Variants in MAP3K20 observed in about 807,000 individuals in gnomAD.
The protein encoded by MAP3K20 is HCCS-4.
MAP3K20 carries 40 observed loss-of-function variants against 85.7 expected under a neutral mutation model. That is an observed-to-expected ratio of 0.47 (90% confidence interval 0.36 to 0.61). The LOEUF (loss-of-function observed/expected upper bound fraction) is 0.61. MAP3K20 is among the 20% of genes least tolerant of loss of function. The pLI is 0.00. For missense variants in MAP3K20, 817 were observed against 961.7 expected (o/e 0.85, Z 1.99); for synonymous variants, 325 against 327.7 (o/e 0.99, Z 0.09).
chr2:173,233,823 C>T (rs779227328), intron 14 of MAP3K20, among the ~76,000 whole-genome samples: 26 of 152,314 alleles, frequency 1.7e-4, no homozygotes, highest in Admixed American at 3.9e-4. Context: ...AACATCCTTA[C>T]GGACTCTCAG....
At position 173,223,544 on chromosome 2, in the gene MAP3K20, G is replaced by A. The variant is rs555602188; in HGVS notation, c.988-6145G>A. 1.8e-3 allele frequency: 1,725 copies of A among 985,282 alleles called. 2 individuals carry two copies. Among genetic ancestry groups the A allele is most frequent in the Middle Eastern group, 2.1e-3 (4 of 1,936 alleles). 61.0% of individuals were successfully genotyped at this position (985,282 alleles called of 1,614,324 possible). On this transcript the variant is annotated intron_variant, in intron 11 of 19. Transcript: ENST00000375213. ...AAATAATATTTTCTCTGTAGTATGA[G>A]ATGAAATTAAAAGTGGATAGCTTTC... is the stretch of plus-strand genomic sequence containing the variant.
chr2:173,157,254 A>C (rs1689504387), intron 2 of MAP3K20, among the ~76,000 whole-genome samples: 1 of 152,130 alleles, frequency 6.6e-6, no homozygotes, highest in Non-Finnish European at 1.5e-5. Flanking sequence ...AAAGACTTCA[A>C]ATCCCTTCCA....
At chr2:173,081,930 C>T (rs935042245) in intron 1 of MAP3K20, among the ~76,000 whole-genome samples, 1 of 152,140 alleles carries the variant, frequency 6.6e-6, no homozygotes, top group African/African-American at 2.4e-5. Context: ...CTCTACACCG[C>T]ATATCCCATT....
chr2:173,261,217 A>G, intron 18 of MAP3K20, 80 bp downstream of exon 18: 1 of 1,446,558 alleles, frequency 6.9e-7, no homozygotes, highest in Non-Finnish European at 9.6e-7. Context: ...AGAGCATATA[A>G]TTTATTGGGA....
chr2:173,262,594 G>T (rs1685322762), intron 18 of MAP3K20, among the ~76,000 whole-genome samples: 1 of 148,036 alleles, frequency 6.8e-6, no homozygotes, highest in East Asian at 1.9e-4. Context: ...GAGCAAAACT[G>T]TCTCAAAAAA....
Position 173,258,701 on chromosome 2 carries a change from T to A in MAP3K20, c.1362T>A (p.Asp454Glu). 6.3e-7 allele frequency: 1 copy of A among 1,588,504 alleles called. No individual in the cohort carries two copies. Among genetic ancestry groups the A allele is most frequent in the Non-Finnish European group, 8.6e-7 (1 of 1,162,190 alleles). The change falls in exon 17 of 20, where the codon GAT (aspartate) becomes GAA (glutamate). Residue 454 changes from aspartate to glutamate, a missense_variant and splice_region_variant. This residue lies in a region of MAP3K20 where 454 missense variants were observed against 476.9 expected (regional missense o/e 0.95). Transcript: ENST00000375213. The part of the protein sequence containing the change: ...FHLKPGTGPQ[D>E]CKWKMYMEMD... ...TGTAATTTTGTTTTTAATTCCAGGATTGTAAGTGGAAAATGTATATGGAGA... is the reference window on the plus strand; with the variant it reads ...TGTAATTTTGTTTTTAATTCCAGGAATGTAAGTGGAAAATGTATATGGAGA...
chr2:173,145,775 T>C (rs1689119393), intron 2 of MAP3K20, among the ~76,000 whole-genome samples: 1 of 152,082 alleles, frequency 6.6e-6, no homozygotes, highest in Non-Finnish European at 1.5e-5. Flanking sequence ...CCCAATAGAA[T>C]GAAAACATAT....
chr2:173,258,815 G>C lies in MAP3K20; in HGVS notation c.1476G>C (p.Lys492Asn). 1 of 1,576,456 alleles carries C rather than the reference G, an allele frequency of 6.3e-7. No homozygotes were observed. Among genetic ancestry groups the C allele is most frequent in the Non-Finnish European group, 8.7e-7 (1 of 1,147,886 alleles). ...LPDAEILKMTKPPFVMEKWIV... is the reference protein window; with the variant it reads ...LPDAEILKMTNPPFVMEKWIV... ...ATGCGGAGATTTTAAAGATGACAAA[G>C]GTAGGGTTCTATTTACGGCTTAAAA... Residue 492 changes from lysine (K) to asparagine (N), a missense_variant and splice_region_variant, in exon 17 of 20, where the codon AAG (lysine) becomes AAC (asparagine). Around this residue, in one of 4 missense-constraint regions of MAP3K20, gnomAD observed 454 missense variants for 476.9 expected, o/e 0.95. Coordinates refer to ENST00000375213, the MANE Select transcript of MAP3K20 (RefSeq NM_016653.3).
In MAP3K20 at chr2:173,110,608, G is replaced by T. The variant is rs908695271; in HGVS notation, c.159+19418G>T. Among the ~76,000 whole-genome samples the T allele has an allele frequency of 7.3e-5, 11 of 151,592 alleles. 1 individual carries two copies. The highest frequency in any genetic ancestry group is 2.7e-4 in the African/African-American group (11 of 41,202). On this transcript the variant is annotated intron_variant, in intron 2 of 19. Coordinates refer to ENST00000375213, the MANE Select transcript of MAP3K20 (RefSeq NM_016653.3). ...TTCCCCCAAATCCCCAAAGCCCATT[G>T]CATCATTCTTATGCATTTGCGTCCT...
intron 16 of MAP3K20, among the ~76,000 whole-genome samples, chr2:173,241,188 C>T (rs990060525): frequency 2.6e-5 from 4 of 152,116 alleles, no homozygotes; most frequent in African/African-American, 7.2e-5. Flanking sequence ...AGGGTGACTA[C>T]AGTCAACAAT....
rs376247159 is a variant in MAP3K20, at chr2:173,266,668, G to A, written c.2321G>A (p.Arg774Gln). Residue 774 changes from arginine to glutamine, a missense_variant, in exon 20 of 20, where the codon CGG (arginine) becomes CAG (glutamine). Coordinates refer to ENST00000375213, the MANE Select transcript of MAP3K20 (RefSeq NM_016653.3). ...SEGGWTKVEYRKKPHRPSPAK... is the reference protein window; with the variant it reads ...SEGGWTKVEYQKKPHRPSPAK... ...GGGGGCTGGACAAAAGTGGAATACC[G>A]GAAAAAGCCCCACAGGCCATCTCCC... The A allele has an allele frequency of 1.6e-5, 26 of 1,610,154 alleles. No homozygotes were observed. The highest frequency in any genetic ancestry group is 8.4e-5 in the Admixed American group (5 of 59,330).
At chr2:173,126,808 C>G (rs937710567) in intron 2 of MAP3K20, among the ~76,000 whole-genome samples, 1 of 152,174 alleles carries the variant, frequency 6.6e-6, no homozygotes, top group Non-Finnish European at 1.5e-5. Flanking sequence ...AAGCTTGCTT[C>G]GAAAAGCAAG....
intron 2 of MAP3K20, among the ~76,000 whole-genome samples, chr2:173,143,760 T>G (rs1036403737): frequency 2.6e-5 from 4 of 152,120 alleles, no homozygotes; most frequent in Admixed American, 2.6e-4. Flanking sequence ...AAATGATTGT[T>G]TACATAAAAA....
chr2:173,076,889 A>G (rs1394107480), intron 1 of MAP3K20, among the ~76,000 whole-genome samples: 2 of 152,364 alleles, frequency 1.3e-5, no homozygotes, highest in South Asian at 2.1e-4. Context: ...GAAAACTTTA[A>G]TTCAGGACTG....
chr2:173,183,465 C>CTTAGGG (rs1424755567), intron 4 of MAP3K20, among the ~76,000 whole-genome samples: 1 of 152,154 alleles, frequency 6.6e-6, no homozygotes. Context: ...TGTAAACTTA[C>CTTAGGG]TTAGGCATCG....
chr2:173,230,241 C>G (rs28556935), intron 12 of MAP3K20, among the ~76,000 whole-genome samples: 80,196 of 152,010 alleles, frequency 0.53, 22,388 homozygotes, highest in African/African-American at 0.68. Flanking sequence ...TACTCTGAAA[C>G]TATTCCAGAA....
intron 16 of MAP3K20, among the ~76,000 whole-genome samples, chr2:173,248,577 C>T (rs1684974495): frequency 1.3e-5 from 2 of 152,186 alleles, no homozygotes; most frequent in African/African-American, 4.8e-5. Flanking sequence ...AGAGCTAGAG[C>T]AGAACTAGGC....
At chr2:173,259,334 G>A (rs1481845771) in intron 17 of MAP3K20, among the ~76,000 whole-genome samples, 1 of 152,126 alleles carries the variant, frequency 6.6e-6, no homozygotes, top group Non-Finnish European at 1.5e-5. Flanking sequence ...AATGGTGGAA[G>A]CATGTTGATG....
At chr2:173,200,459 GTATTTTTAACAGGCCTCATTTAAA>G (rs1339558014) in intron 8 of MAP3K20, among the ~76,000 whole-genome samples, 2 of 152,066 alleles carry the variant, frequency 1.3e-5, no homozygotes, top group Non-Finnish European at 2.9e-5. Flanking sequence ...AGAGAAAGTC[GTATTTTTAACAGGCCTCATTTAAA>G]TAAAGAAAGA....
Sources: gnomAD v4.1 joint callset for allele counts (sites outside exome capture counted in the v4.1 genomes callset) on GRCh38, gnomAD v4.1.1 for gene constraint, gnomAD v4.1.1 regional missense constraint, MANE v1.5 for transcripts, NCBI Gene and HGNC (gene_info 2026-07-23, HGNC 2026-07-21) for gene names.